The following PPFIBP2 variants were observed in gnomAD, a reference collection of about 807,000 sequenced individuals.
PPFIBP2 encodes the protein PPFIB scaffold protein 2, also known as liprin-beta-2.
PPFIBP2 carries 118 observed loss-of-function variants against 118.3 expected under a neutral mutation model. That is an observed-to-expected ratio of 1.00 (90% confidence interval 0.86 to 1.16). PPFIBP2 has a LOEUF of 1.16. PPFIBP2 is among the 50% of genes most tolerant of loss of function. The pLI, the probability that PPFIBP2 is intolerant of heterozygous loss-of-function variation, is 0.00. For missense variants in PPFIBP2, 1,195 were observed against 1,073.1 expected (o/e 1.11, Z -1.59); for synonymous variants, 414 against 397.4 (o/e 1.04, Z -0.50).
At chr11:7,578,373 A>G (rs976200665) in intron 3 of PPFIBP2, among the ~76,000 whole-genome samples, 1 of 152,214 alleles carries the variant, frequency 6.6e-6, no homozygotes, top group African/African-American at 2.4e-5. Context: ...GGAAGGGCAA[A>G]AGCAGCTGAC....
At position 7,514,078 on chromosome 11, in the gene PPFIBP2, G is replaced by T. The variant is rs1849021057; in HGVS notation, c.-80G>T. The stretch of plus-strand genomic sequence containing the variant: ...GGTGGGAGGGACACGGGAGCGGCCC[G>T]CACACCTGAGCCGCCCGGAGAGGAG... On this transcript the variant is annotated 5_prime_UTR_variant, in exon 1 of 24. Transcript: ENST00000299492. The T allele has an allele frequency of 1.3e-5, 2 of 152,266 alleles. No homozygotes were observed. Among genetic ancestry groups the T allele is most frequent in the Admixed American group, 1.3e-4 (2 of 15,292 alleles). The allele number at this position is 152,266 out of a possible 1,614,324, so 9.4% of individuals were successfully genotyped here.
chr11:7,571,249 A>G (rs1855618890), intron 3 of PPFIBP2, among the ~76,000 whole-genome samples: 1 of 152,122 alleles, frequency 6.6e-6, no homozygotes, highest in Non-Finnish European at 1.5e-5. Context: ...CAGGCTGGGG[A>G]GCACAGCCAC....
chr11:7,581,812 A>G lies in PPFIBP2; in HGVS notation c.280-11320A>G, dbSNP rs1321429520. Among the ~76,000 whole-genome samples, 8 of 152,266 alleles carry G rather than the reference A, an allele frequency of 5.3e-5. No homozygotes were observed. The East Asian group carries it at 1.4e-3, about 26-fold the overall frequency. ...ATTTCCTTGATTATATATATGGATAAACAATTCTATAGATAGATAGATAGA... is the reference window on the plus strand; with the variant it reads ...ATTTCCTTGATTATATATATGGATAGACAATTCTATAGATAGATAGATAGA... On this transcript the variant is annotated intron_variant, in intron 3 of 23. Coordinates refer to ENST00000299492, the MANE Select transcript of PPFIBP2 (RefSeq NM_003621.5).
At chr11:7,577,330 T>TGCGTGTGC (rs72088699) in intron 3 of PPFIBP2, 109 of 246,962 alleles carry the variant, frequency 4.4e-4, no homozygotes, top group African/African-American at 2.9e-3. Flanking sequence ...CGTGTGTGTG[T>TGCGTGTGC]GTGTGTGTGT....
intron 6 of PPFIBP2, among the ~76,000 whole-genome samples, chr11:7,614,752 A>T (rs1485756065): frequency 6.6e-6 from 1 of 152,224 alleles, no homozygotes; most frequent in East Asian, 1.9e-4. Flanking sequence ...ACTAAGTAAA[A>T]TTGTGTACAA....
intron 3 of PPFIBP2, among the ~76,000 whole-genome samples, chr11:7,570,316 T>C (rs1855519858): frequency 6.6e-6 from 1 of 152,214 alleles, no homozygotes; most frequent in South Asian, 2.1e-4. Context: ...CCCAGGTCTT[T>C]GGGTGACGCC....
At chr11:7,519,243 T>A (rs752923195) in intron 1 of PPFIBP2, among the ~76,000 whole-genome samples, 1 of 151,866 alleles carries the variant, frequency 6.6e-6, no homozygotes, top group Non-Finnish European at 1.5e-5. Context: ...CTGGGAGGAA[T>A]GGACAGCAGT....
the PPFIBP2 span, chr11:7,665,381 G>C: frequency 6.4e-7 from 1 of 1,570,080 alleles, no homozygotes; most frequent in Non-Finnish European, 8.6e-7. Flanking sequence ...GTGTTAGTAG[G>C]TGAAAATCAT....
intron 1 of PPFIBP2, among the ~76,000 whole-genome samples, chr11:7,540,023 G>T (rs199551283): frequency 2.2e-4 from 2 of 9,010 alleles, no homozygotes; most frequent in Non-Finnish European, 2.4e-4. Flanking sequence ...AGAGCTTGTC[G>T]GGGCACAGCT....
At chr11:7,665,482 C>T in the PPFIBP2 span, 209 of 1,613,900 alleles carry the variant, frequency 1.3e-4, 3 homozygotes, top group South Asian at 1.0e-3. Context: ...GCGTGGACTT[C>T]GCTGGAGGAG....
chr11:7,577,683 A>AG (rs1402363759), intron 3 of PPFIBP2: 3 of 441,868 alleles, frequency 6.8e-6, no homozygotes, highest in Admixed American at 4.8e-5. Flanking sequence ...GAGATAAGTG[A>AG]GGGGGAGACG....
At chr11:7,607,457 A>C (rs985955723) in intron 5 of PPFIBP2, among the ~76,000 whole-genome samples, 4 of 150,602 alleles carry the variant, frequency 2.7e-5, no homozygotes, top group African/African-American at 9.8e-5. Context: ...CTGGGGCTCA[A>C]ATGATCCACC....
rs575197462 is a variant in PPFIBP2 at position 7,653,604 on chromosome 11, C to G, written c.*386C>G. 12 of 1,298,952 alleles carry G rather than the reference C, an allele frequency of 9.2e-6. 1 individual carries two copies. The South Asian group carries it at 1.5e-4, about 16-fold the overall frequency. 80.5% of individuals were successfully genotyped at this position (1,298,952 alleles called of 1,614,324 possible). A position where few individuals can be genotyped will look rare whatever the true frequency, so the allele number is the denominator to read the frequency against. Reference sequence around the variant, plus strand: ...CCCTACACTTCAGTTGAGGGAAAAGCTCAAGTGCCTTAGGCCCGTGGACCA... The same window carrying G: ...CCCTACACTTCAGTTGAGGGAAAAGGTCAAGTGCCTTAGGCCCGTGGACCA... On this transcript the variant is annotated 3_prime_UTR_variant, in exon 24 of 24. Coordinates refer to ENST00000299492, the MANE Select transcript of PPFIBP2 (RefSeq NM_003621.5).
At chr11:7,549,662 T>C in intron 2 of PPFIBP2, 123 bp downstream of exon 2, 1 of 1,050,946 alleles carries the variant, frequency 9.5e-7, no homozygotes, top group Non-Finnish European at 1.3e-6. Flanking sequence ...TATTTATTTT[T>C]CAGTGGTGTT....
chr11:7,642,026 G>A (rs574965465), intron 16 of PPFIBP2: 25 of 430,086 alleles, frequency 5.8e-5, no homozygotes, highest in South Asian at 1.2e-4. Context: ...TTTGTGACAT[G>A]AGGCAGAAAC....
chr11:7,597,206 C>T, intron 4 of PPFIBP2: 1 of 1,489,632 alleles, frequency 6.7e-7, no homozygotes, highest in African/African-American at 1.4e-5. Flanking sequence ...TGCTGGCAAG[C>T]CAGCTGAGAT....
the PPFIBP2 span, among the ~76,000 whole-genome samples, chr11:7,662,706 T>C: frequency 2.0e-5 from 3 of 149,864 alleles, no homozygotes; most frequent in African/African-American, 7.3e-5. Context: ...CCTTGCTAGA[T>C]TGGGGAAGTT....
At position 7,562,968 on chromosome 11, in the gene PPFIBP2, T is replaced by C. The variant is rs1440326637; in HGVS notation, c.65-2585T>C. On this transcript the variant is annotated intron_variant, in intron 2 of 23. Transcript: ENST00000299492. ...ATATATATATATATATATATATATA[T>C]ATATATATACACGCACACACACATA... 3.0e-3 allele frequency among the ~76,000 whole-genome samples: 300 copies of C among 99,502 alleles called. 5 individuals are homozygous for C. Among genetic ancestry groups the C allele is most frequent in the African/African-American group, 0.011 (286 of 25,076 alleles). 65.3% of individuals were successfully genotyped at this position (99,502 alleles called of 152,430 possible).
At chr11:7,658,043 A>G (rs2136086190), downstream of PPFIBP2, among the ~76,000 whole-genome samples, 1 of 152,384 alleles carries the variant, frequency 6.6e-6, no homozygotes, top group East Asian at 1.9e-4. Flanking sequence ...CCCTGCCTAA[A>G]GGTGCTTACA....
Sources: gnomAD v4.1 joint callset for allele counts (sites outside exome capture counted in the v4.1 genomes callset) on GRCh38, gnomAD v4.1.1 for gene constraint, MANE v1.5 for transcripts, NCBI Gene and HGNC (gene_info 2026-07-23, HGNC 2026-07-21) for gene names.